Variants in COL4A1 observed in about 807,000 individuals in gnomAD.
COL4A1 encodes the protein collagen type IV alpha 1 chain.
Under a neutral mutation model 216.6 loss-of-function variants are expected in COL4A1, and 40 were observed. The ratio of observed to expected loss-of-function variants is 0.18; its 90% CI spans 0.14 to 0.24. COL4A1 has a LOEUF of 0.24. COL4A1 is among the 10% of genes least tolerant of loss of function. COL4A1 has a pLI of 1.00. For synonymous variants in COL4A1, 839 were observed against 810.7 expected, an observed-to-expected ratio of 1.03 and a Z score of -0.59; for missense variants, 1,628 against 2,196.8, an observed-to-expected ratio of 0.74 and a Z score of 5.18.
chr13:110,305,486 A>G (rs1328187862), intron 1 of COL4A1, among the ~76,000 whole-genome samples: 2 of 152,260 alleles, frequency 1.3e-5, no homozygotes, highest in Non-Finnish European at 1.5e-5. Flanking sequence ...CTATTTCCCA[A>G]TGAAGAACTT....
In COL4A1 at chr13:110,209,434, G is replaced by A. The variant is rs1405183518; in HGVS notation, c.616-7C>T. On this transcript the variant is annotated splice_polypyrimidine_tract_variant and splice_region_variant and intron_variant, in intron 10 of 51. Coordinates refer to ENST00000375820, the MANE Select transcript of COL4A1 (RefSeq NM_001845.6). ...CGGGAGGGCCTGGGGGACCCTGGGA[G>A]AGACAGCATTTTAATTAAATAGGAT... The A allele has an allele frequency of 6.9e-6, 11 of 1,598,280 alleles. No homozygotes were observed. The highest frequency in any genetic ancestry group is 9.4e-6 in the Non-Finnish European group (11 of 1,172,108).
At chr13:110,293,687 G>A (rs1244285279) in intron 1 of COL4A1, among the ~76,000 whole-genome samples, 2 of 152,130 alleles carry the variant, frequency 1.3e-5, no homozygotes, top group Non-Finnish European at 2.9e-5. Context: ...TGCCAATTAA[G>A]GAATCAAATT....
At chr13:110,187,691 T>C (rs919167487) in intron 24 of COL4A1, among the ~76,000 whole-genome samples, 2 of 152,184 alleles carry the variant, frequency 1.3e-5, no homozygotes, top group South Asian at 2.1e-4. Context: ...AAGGTTCTGA[T>C]TGATGTGTGG....
intron 50 of COL4A1, 50 bp downstream of exon 50, chr13:110,155,233 G>C (rs759619388): frequency 7.3e-7 from 1 of 1,371,032 alleles, no homozygotes; most frequent in Admixed American, 1.7e-5. Context: ...CGACTATGGG[G>C]CGTGAGTGGG....
At chr13:110,234,442 TG>T (rs779034479) in intron 2 of COL4A1, among the ~76,000 whole-genome samples, 3 of 151,572 alleles carry the variant, frequency 2.0e-5, no homozygotes, top group African/African-American at 4.8e-5. Context: ...ATTAGCCAGG[TG>T]GGGGGGTACA....
intron 49 of COL4A1, among the ~76,000 whole-genome samples, chr13:110,156,897 T>C (rs1021108262): frequency 3.3e-5 from 5 of 152,186 alleles, no homozygotes; most frequent in African/African-American, 1.2e-4. Flanking sequence ...TGTGTATGTG[T>C]GGTGTGTGCA....
At chr13:110,298,245 C>G (rs910652279) in intron 1 of COL4A1, among the ~76,000 whole-genome samples, 6 of 152,192 alleles carry the variant, frequency 3.9e-5, no homozygotes, top group African/African-American at 1.4e-4. Context: ...CGCCCAATGG[C>G]TATTTAGTCA....
At chr13:110,223,566 A>C (rs769021794) in intron 2 of COL4A1, among the ~76,000 whole-genome samples, 1 of 152,236 alleles carries the variant, frequency 6.6e-6, no homozygotes, top group Non-Finnish European at 1.5e-5. Context: ...CGAGAAAAAC[A>C]GTACAGAAAA....
At chr13:110,261,642 G>A (rs1370643843) in intron 1 of COL4A1, among the ~76,000 whole-genome samples, 1 of 152,206 alleles carries the variant, frequency 6.6e-6, no homozygotes, top group African/African-American at 2.4e-5. Flanking sequence ...CTGTGCCCAG[G>A]GAACCGCACC....
chr13:110,159,432 C>G (rs1876961834), intron 49 of COL4A1, among the ~76,000 whole-genome samples: 1 of 152,170 alleles, frequency 6.6e-6, no homozygotes, highest in South Asian at 2.1e-4. Context: ...GGGATGGCTA[C>G]TATCAAAAAC....
rs1042055252 is a variant in COL4A1 at position 110,168,393 on chromosome 13, A to G, written c.3877-1163T>C. Among the ~76,000 whole-genome samples the G allele has an allele frequency of 4.6e-5, 7 of 152,340 alleles. No individual in the cohort carries two copies. In the East Asian group the frequency reaches 9.6e-4, roughly 21 times the overall value. ...TATTTGACAAATTACCTAGGCTTACATTACTGGAAAACTGCAATATAGCAA... is the reference window on the plus strand; with the variant it reads ...TATTTGACAAATTACCTAGGCTTACGTTACTGGAAAACTGCAATATAGCAA... On this transcript the variant is annotated intron_variant, in intron 43 of 51. Transcript: ENST00000375820.
chr13:110,205,653 A>C (rs970461000), intron 15 of COL4A1, 115 bp from the exon 16 acceptor site: 1 of 1,115,536 alleles, frequency 9.0e-7, no homozygotes. Flanking sequence ...ACCTGAGGTC[A>C]GGAGTTCGAG....
At chr13:110,173,288 A>ACTT (rs200581354) in intron 40 of COL4A1, among the ~76,000 whole-genome samples, 10,929 of 152,036 alleles carry the variant, frequency 0.072, 1,255 homozygotes, top group African/African-American at 0.25. Context: ...AAAAAAATGA[A>ACTT]AAGAAAGCCA....
chr13:110,270,754 C>T (rs1883215464), intron 1 of COL4A1, among the ~76,000 whole-genome samples: 1 of 152,226 alleles, frequency 6.6e-6, no homozygotes, highest in Non-Finnish European at 1.5e-5. Context: ...CTAACAGCGA[C>T]CATTTACTGC....
chr13:110,186,613 T>A, intron 25 of COL4A1, 60 bp from the exon 26 acceptor site: 1 of 1,593,976 alleles, frequency 6.3e-7, no homozygotes, highest in Non-Finnish European at 8.6e-7. Flanking sequence ...CCTGTCCTTA[T>A]CGCATTCTTC....
In COL4A1 at chr13:110,181,413, A is replaced by C. The variant is rs77875306; in HGVS notation, c.2096-24T>G. ...ACCTGTTTTAAAGAGTCAAAAAAAA[A>C]AAACAAACAAACAATCATTGCGATT... On this transcript the variant is annotated intron_variant, in intron 28 of 51. Transcript: ENST00000375820. 5.2e-3 allele frequency: 8,188 copies of C among 1,587,252 alleles called. 377 individuals carry two copies. The Admixed American group carries it at 0.084, about 16-fold the overall frequency.
At chr13:110,167,412 G>A (rs1449438401) in intron 43 of COL4A1, among the ~76,000 whole-genome samples, 182 bp from the exon 44 acceptor site, 5 of 152,164 alleles carry the variant, frequency 3.3e-5, no homozygotes, top group South Asian at 2.1e-4. Flanking sequence ...TGCCTCAATC[G>A]GGAAGCTGGA....
chr13:110,253,180 C>CGTATTATATATACATATAACTATATGTTT lies in COL4A1; in HGVS notation c.85-10447_85-10446insAAACATATAGTTATATGTATATATAATAC, dbSNP rs1566417498. ...TTATATATACATATAACTATATGTA[C>CGTATTATATATACATATAACTATATGTTT]GTATGTATTATATATACATATAACT... On this transcript the variant is annotated intron_variant, in intron 1 of 51. Transcript: ENST00000375820. 1.3e-4 allele frequency among the ~76,000 whole-genome samples: 12 copies of CGTATTATATATACATATAACTATATGTTT among 91,172 alleles called. 1 individual carries two copies. The highest frequency in any genetic ancestry group is 2.5e-4 in the Non-Finnish European group (12 of 48,150). The allele number at this position is 91,172 out of a possible 152,430, so 59.8% of individuals were successfully genotyped here.
Position 110,268,257 on chromosome 13 carries a change from G to A in COL4A1, c.85-25523C>T, listed in dbSNP as rs1261158555. On this transcript the variant is annotated intron_variant, in intron 1 of 51. Coordinates refer to ENST00000375820, the MANE Select transcript of COL4A1 (RefSeq NM_001845.6). This position sits in a 1 kb window ranked among gnomAD's most constrained non-coding sequence, Gnocchi z 4.1. ...AGTCCAAAACCAGGAAAGGCATATG[G>A]ATGACGAATGGCTCTGCACACTCCT... 6.6e-6 allele frequency among the ~76,000 whole-genome samples: 1 copy of A among 152,050 alleles called. No individual in the cohort carries two copies. Among genetic ancestry groups the A allele is most frequent in the East Asian group, 1.9e-4 (1 of 5,168 alleles).
Sources: gnomAD v4.1 joint callset for allele counts (sites outside exome capture counted in the v4.1 genomes callset) on GRCh38, gnomAD v4.1.1 for gene constraint, Gnocchi (gnomAD v3.1) non-coding constraint, MANE v1.5 for transcripts, NCBI Gene and HGNC (gene_info 2026-07-23, HGNC 2026-07-21) for gene names.